The following MS4A7 variants were observed in gnomAD, a reference collection of about 807,000 sequenced individuals.
MS4A7 encodes membrane spanning 4-domains A7.
In MS4A7, 21 loss-of-function variants were observed where a neutral mutation model predicts 23.5. That is an observed-to-expected ratio of 0.89 (90% confidence interval 0.63 to 1.29). The LOEUF is 1.29. Among genes scored for constraint, MS4A7 ranks in the 50% most tolerant of loss-of-function variants. The pLI is 0.00. For missense variants in MS4A7, 263 were observed against 274.2 expected (o/e 0.96, Z 0.29); for synonymous variants, 111 against 107.4 (o/e 1.03, Z -0.21).
rs1362332913 is a variant in MS4A7, at chr11:60,392,538, C to T, written c.547-147C>T. The T allele has an allele frequency of 2.3e-5, 14 of 606,426 alleles. No individual in the cohort carries two copies. The Admixed American group carries it at 4.0e-4, about 17-fold the overall frequency. The allele number at this position is 606,426 out of a possible 1,614,324, so 37.6% of individuals were successfully genotyped here. A position where few individuals can be genotyped will look rare whatever the true frequency, so the allele number is the denominator to read the frequency against. On this transcript the variant is annotated intron_variant, in intron 5 of 6. Coordinates refer to ENST00000300184, the MANE Select transcript of MS4A7 (RefSeq NM_021201.5). ...TATTTCCCTTCATCTATTAAGAAAT[C>T]TGAAAAAGAAAGCAGAAAAGAGGAT... is the stretch of plus-strand genomic sequence containing the variant.
At chr11:60,387,702 CA>C (rs2085507048) in intron 4 of MS4A7, among the ~76,000 whole-genome samples, 1 of 152,206 alleles carries the variant, frequency 6.6e-6, no homozygotes, top group Admixed American at 6.5e-5. Context: ...GCTTCCTCAA[CA>C]ACTTTAGAAT....
intron 1 of MS4A7, among the ~76,000 whole-genome samples, chr11:60,382,735 AAG>A (rs2135093864): frequency 6.6e-6 from 1 of 152,320 alleles, no homozygotes; most frequent in African/African-American, 2.4e-5. Context: ...GTAATCCTGG[AAG>A]ATGTGGTGTG....
chr11:60,387,933 T>C (rs979609778), intron 4 of MS4A7, among the ~76,000 whole-genome samples: 12 of 152,242 alleles, frequency 7.9e-5, no homozygotes, highest in Admixed American at 2.6e-4. Flanking sequence ...GATTCTCCCA[T>C]AGCATGACGA....
intron 1 of MS4A7, 72 bp from the exon 2 acceptor site, chr11:60,383,057 G>C: frequency 6.6e-7 from 1 of 1,513,354 alleles, no homozygotes; most frequent in Non-Finnish European, 9.0e-7. Flanking sequence ...TTCCTACAAA[G>C]TATGGTCCCT....
At chr11:60,383,311 G>A (rs1258838690) in intron 2 of MS4A7, 23 bp downstream of exon 2, 1 of 1,612,782 alleles carries the variant, frequency 6.2e-7, no homozygotes, top group African/African-American at 1.3e-5. Context: ...CATTATAAGG[G>A]GAATACTGAG....
chr11:60,387,306 C>T (rs182797909), intron 4 of MS4A7, among the ~76,000 whole-genome samples: 25 of 152,254 alleles, frequency 1.6e-4, no homozygotes, highest in Admixed American at 6.5e-4. Context: ...CTGGGAAACC[C>T]CTTACTCCCC....
chr11:60,394,980 A>G lies in MS4A7; in HGVS notation c.*1119A>G. 1 of 657,238 alleles carries G rather than the reference A, an allele frequency of 1.5e-6. No homozygotes were observed. The highest frequency in any genetic ancestry group is 1.7e-5 in the South Asian group (1 of 58,218). 40.7% of individuals were successfully genotyped at this position (657,238 alleles called of 1,614,324 possible). ...CAATGAAGACATCTTAGTCTTAACA[A>G]GTTACAGATAATCTCTGACTGGCAT... On this transcript the variant is annotated 3_prime_UTR_variant, in exon 7 of 7. Coordinates refer to ENST00000300184, the MANE Select transcript of MS4A7 (RefSeq NM_021201.5).
At chr11:60,393,265 C>T in intron 6 of MS4A7, among the ~76,000 whole-genome samples, 1 of 152,124 alleles carries the variant, frequency 6.6e-6, no homozygotes. Context: ...CATAGCCCAA[C>T]CCCTCATGAA....
Position 60,389,510 on chromosome 11 carries a change from G to A in MS4A7, c.460G>A (p.Asp154Asn), listed in dbSNP as rs746618056. ...CTCTCAACATTGTGGCTCAGAAATG[G>A]ATTATCTATCCTCATTGCCTTATTC... ...TASQHCGSEM[D>N]YLSSLPYSEY... The change falls in exon 5 of 7, where the codon GAT becomes AAT. Residue 154 changes from aspartate to asparagine, a missense_variant. Transcript: ENST00000300184. 1 of 1,613,978 alleles carries A rather than the reference G, an allele frequency of 6.2e-7. No individual in the cohort carries two copies. Among genetic ancestry groups the A allele is most frequent in the Non-Finnish European group, 8.5e-7 (1 of 1,179,954 alleles).
chr11:60,380,324 A>G lies in MS4A7; in HGVS notation c.-14+1660A>G, dbSNP rs371001040. ...GGAGAGAGATAAAGTGACAGATGGGAAGAGAGAATGTAAAGAATATGTGCA... is the reference window on the plus strand; with the variant it reads ...GGAGAGAGATAAAGTGACAGATGGGGAGAGAGAATGTAAAGAATATGTGCA... On this transcript the variant is annotated intron_variant, in intron 1 of 6. Coordinates refer to ENST00000300184, the MANE Select transcript of MS4A7 (RefSeq NM_021201.5). Among the ~76,000 whole-genome samples the G allele has an allele frequency of 9.9e-5, 15 of 152,246 alleles. No individual in the cohort carries two copies. The East Asian group carries it at 1.5e-3, about 16-fold the overall frequency.
rs556461044 is a variant in MS4A7, at chr11:60,383,818, A to G, written c.147+530A>G. Among the ~76,000 whole-genome samples the G allele has an allele frequency of 2.2e-4, 33 of 152,316 alleles. No individual in the cohort carries two copies. The South Asian group carries it at 2.9e-3, about 13-fold the overall frequency. Reference sequence around the variant, plus strand: ...CTCCCAAAGTGCTGGGATTACAGGCATGAGCCACTGTGCCCAGCCACAAAT... The same window carrying G: ...CTCCCAAAGTGCTGGGATTACAGGCGTGAGCCACTGTGCCCAGCCACAAAT... On this transcript the variant is annotated intron_variant, in intron 2 of 6. Coordinates refer to ENST00000300184, the MANE Select transcript of MS4A7 (RefSeq NM_021201.5).
rs1590796169 is a variant in MS4A7 at position 60,389,462 on chromosome 11, A to G, written c.412A>G (p.Ser138Gly). 6.2e-7 allele frequency: 1 copy of G among 1,614,126 alleles called. No individual in the cohort carries two copies. Among genetic ancestry groups the G allele is most frequent in the East Asian group, 2.2e-5 (1 of 44,886 alleles). The change falls in exon 5 of 7, where the codon AGC becomes GGC. Residue 138 changes from serine to glycine, a missense_variant. Ser to Gly is a moderately conservative substitution (Grantham distance 56). Transcript: ENST00000300184. ...AGCAGGCCTCTTCCTCCTTGCTGAC[A>G]GCATGGTAGCCCTGAGGACTGCCTC... ...AGAGLFLLAD[S>G]MVALRTASQH...
At chr11:60,378,817 C>A (rs1411564462) in intron 1 of MS4A7, among the ~76,000 whole-genome samples, 153 bp downstream of exon 1, 2 of 152,230 alleles carry the variant, frequency 1.3e-5, no homozygotes, top group Non-Finnish European at 2.9e-5. Context: ...TCAGTTTACT[C>A]ACTTGTCAAA....
chr11:60,389,492 C>T lies in MS4A7; in HGVS notation c.442C>T (p.His148Tyr), dbSNP rs1320482932. The stretch of plus-strand genomic sequence containing the variant: ...GGTAGCCCTGAGGACTGCCTCTCAA[C>T]ATTGTGGCTCAGAAATGGATTATCT... ...SMVALRTASQ[H>Y]CGSEMDYLSS... is the part of the protein sequence containing the mutation. Residue 148 changes from histidine (H) to tyrosine (Y), a missense_variant, in exon 5 of 7, where the codon CAT (histidine) becomes TAT (tyrosine). Transcript: ENST00000300184. 5 of 1,613,996 alleles carry T rather than the reference C, an allele frequency of 3.1e-6. No individual in the cohort carries two copies. The highest frequency in any genetic ancestry group is 4.2e-6 in the Non-Finnish European group (5 of 1,179,954).
intron 1 of MS4A7, 122 bp from the exon 2 acceptor site, chr11:60,383,007 G>C: frequency 1.9e-6 from 2 of 1,079,922 alleles, no homozygotes; most frequent in South Asian, 3.2e-5. Flanking sequence ...TGTTTCTGAA[G>C]GACAACCAGC....
At chr11:60,393,695 T>C (rs2085578702) in intron 6 of MS4A7, 92 bp from the exon 7 acceptor site, 1 of 887,958 alleles carries the variant, frequency 1.1e-6, no homozygotes, top group African/African-American at 1.7e-5. Flanking sequence ...GAACTAGTAC[T>C]ACACAAAACT....
chr11:60,383,465 G>T (rs181013006), intron 2 of MS4A7, 177 bp downstream of exon 2: 71 of 496,970 alleles, frequency 1.4e-4, no homozygotes, highest in African/African-American at 1.4e-3. Flanking sequence ...GCAGTTTCTA[G>T]AAACTAAAAC....
chr11:60,389,656 A>G (rs766362467), intron 5 of MS4A7, 60 bp downstream of exon 5: 1 of 1,482,320 alleles, frequency 6.7e-7, no homozygotes, highest in South Asian at 1.1e-5. Context: ...CCCTTTGCAT[A>G]CTCTCTGCTT....
chr11:60,382,058 C>T (rs917364292), intron 1 of MS4A7, among the ~76,000 whole-genome samples: 1 of 152,192 alleles, frequency 6.6e-6, no homozygotes, highest in South Asian at 2.1e-4. Flanking sequence ...GGATGACAAG[C>T]CTTTAACTAA....
Sources: gnomAD v4.1 joint callset for allele counts (sites outside exome capture counted in the v4.1 genomes callset) on GRCh38, gnomAD v4.1.1 for gene constraint, MANE v1.5 for transcripts, NCBI Gene and HGNC (gene_info 2026-07-23, HGNC 2026-07-21) for gene names.